The following MAX variants were observed in gnomAD, a reference collection of about 807,000 sequenced individuals.
MAX encodes the protein MYC associated transcriptional regulator X.
Under a neutral mutation model 22.3 loss-of-function variants are expected in MAX, and 3 were observed. The observed-to-expected ratio is 0.13, with a 90% CI of 0.06 to 0.35. The LOEUF (loss-of-function observed/expected upper bound fraction) is 0.35, where lower values mean the gene tolerates loss of function less well. Ranked by LOEUF, MAX falls within the 10% of genes least tolerant of loss-of-function variation. MAX has a pLI of 1.00. For missense variants in MAX, 119 were observed against 209.4 expected, an observed-to-expected ratio of 0.57 and a Z score of 2.66; for synonymous variants, 72 against 77.7, an observed-to-expected ratio of 0.93 and a Z score of 0.39.
chr14:65,101,626 T>A (rs1295243998), intron 1 of MAX, 54 bp from the exon 2 acceptor site: 14 of 1,302,154 alleles, frequency 1.1e-5, no homozygotes, highest in Admixed American at 3.8e-5. Context: ...TTTTTACACT[T>A]AACATTCAAT....
At chr14:65,102,157 G>C in intron 1 of MAX, 147 bp downstream of exon 1, 5 of 1,443,632 alleles carry the variant, frequency 3.5e-6, no homozygotes. Flanking sequence ...AGCGAACCGG[G>C]AACGCGACGG....
chr14:65,037,745 TTTATTTA>T lies in MAX; in HGVS notation c.172-31468_172-31462del, dbSNP rs1566562832. 5.9e-3 allele frequency among the ~76,000 whole-genome samples: 326 copies of T among 55,058 alleles called. 2 individuals are homozygous for T. Among genetic ancestry groups the T allele is most frequent in the African/African-American group, 0.023 (317 of 13,808 alleles). 36.1% of individuals were successfully genotyped at this position (55,058 alleles called of 152,430 possible). A position where few individuals can be genotyped will look rare whatever the true frequency, so the allele number is the denominator to read the frequency against. ...CAGCCTCTTATTTATTTATTTATTA[TTTATTTA>T]TTTATTTATTTATTTATTTATTTAT... On this transcript the variant is annotated intron_variant, in intron 3 of 3. Coordinates refer to the MAX transcript ENST00000341653.
chr14:65,012,350 T>C lies in MAX; in HGVS notation c.172-6066A>G, dbSNP rs1460218686. ...TGCAGAGGGAGAAGCACTTCCATTA[T>C]CTGAAAAGAGGCCTTCGACAACTGA... is the stretch of plus-strand genomic sequence containing the variant. On this transcript the variant is annotated intron_variant, in intron 3 of 3. Coordinates refer to the MAX transcript ENST00000341653. The surrounding 1 kb of genome is among the most constrained non-coding windows in gnomAD (Gnocchi z 5.0). 3 of 1,614,198 alleles carry C rather than the reference T, an allele frequency of 1.9e-6. No individual in the cohort carries two copies. The highest frequency in any genetic ancestry group is 2.5e-6 in the Non-Finnish European group (3 of 1,180,018).
chr14:65,069,054 C>T lies in MAX; in HGVS notation c.171+24654G>A, dbSNP rs150416706. Among the ~76,000 whole-genome samples the T allele has an allele frequency of 2.1e-3, 321 of 152,134 alleles. 4 individuals carry two copies. Among genetic ancestry groups the T allele is most frequent in the African/African-American group, 7.3e-3 (305 of 41,524 alleles). On this transcript the variant is annotated intron_variant, in intron 3 of 3. Transcript: ENST00000341653. The surrounding 1 kb of genome is among the most constrained non-coding windows in gnomAD (Gnocchi z 4.6). ...AGAGGTAGCCAGGTAAGGCAGATGC[C>T]GATGGTGATGACGTAAGTGCTAGGT...
rs34377682 is a variant in MAX at position 65,013,840 on chromosome 14, G to A, written c.172-7556C>T. 5.7e-3 allele frequency among the ~76,000 whole-genome samples: 864 copies of A among 152,336 alleles called. 7 individuals carry two copies. The highest frequency in any genetic ancestry group is 0.024 in the Middle Eastern group (7 of 294). ...TGGGGTTACAGGCGTGAGCTACTGC[G>A]CCCAGTTGCATTCTCTTATTTAAAT... On this transcript the variant is annotated intron_variant, in intron 3 of 3. Transcript: ENST00000341653.
chr14:65,084,420 T>C lies in MAX; in HGVS notation c.172-6384A>G. 2.9e-6 allele frequency: 2 copies of C among 681,224 alleles called. No individual in the cohort carries two copies. The highest frequency in any genetic ancestry group is 2.6e-6 in the Non-Finnish European group (1 of 378,830). 42.2% of individuals were successfully genotyped at this position (681,224 alleles called of 1,614,324 possible). A position where few individuals can be genotyped will look rare whatever the true frequency, so the allele number is the denominator to read the frequency against. On this transcript the variant is annotated intron_variant, in intron 3 of 4. Transcript: ENST00000358664. This position sits in a 1 kb window ranked among gnomAD's most constrained non-coding sequence, Gnocchi z 4.3. ...CCAAAAAAAAAAATTCCAGTGATAA[T>C]GAAACTGGTACTCTCAAAACACTAC...
intron 3 of MAX, among the ~76,000 whole-genome samples, chr14:65,025,293 G>T (rs1485299186): frequency 6.6e-6 from 1 of 152,206 alleles, no homozygotes; most frequent in Non-Finnish European, 1.5e-5. Flanking sequence ...GGGAAAGGGA[G>T]TGGATAACCA....
rs571881861 is a variant in MAX, at chr14:65,102,287, G to A, written c.36+17C>T. ...GCCTGACAACCCGCACGGGAAGGAA[G>A]AAGCCCCAGGACTCACGTCGCTCTC... On this transcript the variant is annotated intron_variant, in intron 1 of 4. Transcript: ENST00000358664. 19 of 1,613,618 alleles carry A rather than the reference G, an allele frequency of 1.2e-5. No individual in the cohort carries two copies. The Admixed American group carries it at 2.8e-4, about 24-fold the overall frequency.
Position 65,054,598 on chromosome 14 carries a change from G to T in MAX, c.171+39110C>A. ...AGGTCGCGTGATTTCTACCACACCT[G>T]CTACTGCCTGAGCGGCCTGTCCATA... On this transcript the variant is annotated intron_variant, in intron 3 of 3. Coordinates refer to the MAX transcript ENST00000341653. This position sits in a 1 kb window ranked among gnomAD's most constrained non-coding sequence, Gnocchi z 4.4. 1 of 1,613,606 alleles carries T rather than the reference G, an allele frequency of 6.2e-7. No homozygotes were observed. Among genetic ancestry groups the T allele is most frequent in the Non-Finnish European group, 8.5e-7 (1 of 1,179,832 alleles).
rs2062694589 is a variant in MAX at position 65,054,816 on chromosome 14, C to T, written c.171+38892G>A. 9.5e-7 allele frequency: 1 copy of T among 1,051,256 alleles called. No individual in the cohort carries two copies. The highest frequency in any genetic ancestry group is 1.6e-5 in the African/African-American group (1 of 63,246). 65.1% of individuals were successfully genotyped at this position (1,051,256 alleles called of 1,614,324 possible). A position where few individuals can be genotyped will look rare whatever the true frequency, so the allele number is the denominator to read the frequency against. ...GGCGGAAGCTTGTGGTCCCTCTGCC[C>T]TTCGAGCTGTGCAGCCGTTAGTGAG... On this transcript the variant is annotated intron_variant, in intron 3 of 3. Coordinates refer to the MAX transcript ENST00000341653. The surrounding 1 kb of genome is among the most constrained non-coding windows in gnomAD (Gnocchi z 4.4).
chr14:65,096,766 C>CCTGTATGTTCTGTA (rs2063686187), intron 2 of MAX, among the ~76,000 whole-genome samples: 1 of 152,164 alleles, frequency 6.6e-6, no homozygotes, highest in South Asian at 2.1e-4. Context: ...CTCAGATGAG[C>CCTGTATGTTCTGTA]CTGTACTGAG....
In MAX at chr14:65,084,323, G is replaced by T. The variant is rs771288002; in HGVS notation, c.172-6287C>A. The T allele has an allele frequency of 9.8e-6, 13 of 1,321,214 alleles. No individual in the cohort carries two copies. Among genetic ancestry groups the T allele is most frequent in the Non-Finnish European group, 1.3e-5 (12 of 913,638 alleles). 81.8% of individuals were successfully genotyped at this position (1,321,214 alleles called of 1,614,324 possible). A position where few individuals can be genotyped will look rare whatever the true frequency, so the allele number is the denominator to read the frequency against. On this transcript the variant is annotated intron_variant, in intron 3 of 4. Coordinates refer to ENST00000358664, the MANE Select transcript of MAX (RefSeq NM_002382.5). The surrounding 1 kb of genome is among the most constrained non-coding windows in gnomAD (Gnocchi z 4.3). Reference sequence around the variant, plus strand: ...AGCTAGTAAATAAACATGTGGAAAAGCAATTAATTTCACAAGTAATAAATA... The same window carrying T: ...AGCTAGTAAATAAACATGTGGAAAATCAATTAATTTCACAAGTAATAAATA...
rs1392999990 is a variant in MAX at position 65,044,600 on chromosome 14, G to A, written c.172-38316C>T. On this transcript the variant is annotated intron_variant, in intron 3 of 3. Coordinates refer to the MAX transcript ENST00000341653. The surrounding 1 kb of genome is among the most constrained non-coding windows in gnomAD (Gnocchi z 5.5). ...TGGAACCTCATGCCGTGGGGCATGC[G>A]AATGCAGAGTAAGATTTAGTTTCAT... The A allele has an allele frequency of 1.3e-5, 14 of 1,080,476 alleles. No individual in the cohort carries two copies. The highest frequency in any genetic ancestry group is 1.6e-5 in the African/African-American group (1 of 60,704). 66.9% of individuals were successfully genotyped at this position (1,080,476 alleles called of 1,614,324 possible). A position where few individuals can be genotyped will look rare whatever the true frequency, so the allele number is the denominator to read the frequency against.
At chr14:65,036,303 C>T (rs1006610543) in intron 3 of MAX, among the ~76,000 whole-genome samples, 2 of 152,040 alleles carry the variant, frequency 1.3e-5, no homozygotes, top group Non-Finnish European at 2.9e-5. Flanking sequence ...GTGGCGTGAT[C>T]TTGGCTCACT....
intron 3 of MAX, among the ~76,000 whole-genome samples, chr14:65,010,958 C>A (rs1189874288): frequency 6.6e-6 from 1 of 152,208 alleles, no homozygotes; most frequent in Non-Finnish European, 1.5e-5. Flanking sequence ...CAGGGCCACT[C>A]ATCGCACATT....
At chr14:65,037,006 T>C (rs1010272671) in intron 3 of MAX, among the ~76,000 whole-genome samples, 2 of 152,208 alleles carry the variant, frequency 1.3e-5, no homozygotes, top group African/African-American at 4.8e-5. Context: ...TTCATTTTGC[T>C]GGGCACTCGA....
Position 65,093,590 on chromosome 14 carries a change from C to G in MAX, c.171+118G>C. 1.4e-6 allele frequency: 1 copy of G among 724,318 alleles called. No homozygotes were observed. Among genetic ancestry groups the G allele is most frequent in the South Asian group, 1.5e-5 (1 of 68,796 alleles). 44.9% of individuals were successfully genotyped at this position (724,318 alleles called of 1,614,324 possible). A position where few individuals can be genotyped will look rare whatever the true frequency, so the allele number is the denominator to read the frequency against. On this transcript the variant is annotated intron_variant, in intron 3 of 4. Transcript: ENST00000358664. This position sits in a 1 kb window ranked among gnomAD's most constrained non-coding sequence, Gnocchi z 4.4. ...TCCAAACAGTCAAAAATAAGGCAACCATGCTACCTGAATATCTCTGACTAC... is the reference window on the plus strand; with the variant it reads ...TCCAAACAGTCAAAAATAAGGCAACGATGCTACCTGAATATCTCTGACTAC...
At chr14:65,096,425 T>C (rs2063677444) in intron 2 of MAX, among the ~76,000 whole-genome samples, 2 of 152,214 alleles carry the variant, frequency 1.3e-5, no homozygotes, top group African/African-American at 4.8e-5. Context: ...CACTAATGTT[T>C]TGAAAGAGCA....
At chr14:65,067,092 G>C (rs1364330310) in intron 3 of MAX, among the ~76,000 whole-genome samples, 2 of 151,426 alleles carry the variant, frequency 1.3e-5, no homozygotes, top group East Asian at 1.9e-4. Context: ...AGGCTAAGAT[G>C]GGGGGTCACT....
Sources: gnomAD v4.1 joint callset for allele counts (sites outside exome capture counted in the v4.1 genomes callset) on GRCh38, gnomAD v4.1.1 for gene constraint, Gnocchi (gnomAD v3.1) non-coding constraint, MANE v1.5 for transcripts, NCBI Gene and HGNC (gene_info 2026-07-23, HGNC 2026-07-21) for gene names.